NEGR1: variants seen among roughly 807,000 people sequenced by gnomAD.
The protein encoded by NEGR1 is IgLON family member 4.
NEGR1 carries 10 observed loss-of-function variants against 40.9 expected under a neutral mutation model. That is an observed-to-expected ratio of 0.24 (90% CI 0.15 to 0.42). The LOEUF is 0.42. Ranked by LOEUF, NEGR1 falls within the 10% of genes least tolerant of loss-of-function variation. The pLI, the probability that NEGR1 is intolerant of heterozygous loss-of-function variation, is 1.00. For missense variants in NEGR1, 352 were observed against 438.9 expected (o/e 0.80, Z 1.77); for synonymous variants, 185 against 166.8 (o/e 1.11, Z -0.84).
intron 6 of NEGR1, among the ~76,000 whole-genome samples, chr1:71,584,711 C>T (rs975342668): frequency 5.3e-5 from 8 of 152,070 alleles, no homozygotes; most frequent in Non-Finnish European, 1.0e-4. Flanking sequence ...CTCAGAAGTG[C>T]TGGGAAAGAA....
At chr1:71,741,930 G>A (rs1655225479) in intron 3 of NEGR1, among the ~76,000 whole-genome samples, 1 of 152,114 alleles carries the variant, frequency 6.6e-6, no homozygotes, top group African/African-American at 2.4e-5. Flanking sequence ...AGTTCTAAGA[G>A]CATGGTGCTA....
intron 1 of NEGR1, among the ~76,000 whole-genome samples, chr1:72,046,313 A>C (rs575128106): frequency 1.3e-5 from 2 of 151,808 alleles, no homozygotes. Flanking sequence ...CATGAAGAAA[A>C]ACAAAGCCAA....
chr1:71,429,706 G>GC (rs1646453986), intron 6 of NEGR1, among the ~76,000 whole-genome samples: 1 of 152,138 alleles, frequency 6.6e-6, no homozygotes, highest in Non-Finnish European at 1.5e-5. Flanking sequence ...GGTTAAGAAG[G>GC]CCCTTCCACT....
At chr1:71,691,010 C>T (rs959856957) in intron 4 of NEGR1, among the ~76,000 whole-genome samples, 10 of 151,936 alleles carry the variant, frequency 6.6e-5, no homozygotes, top group East Asian at 1.9e-4. Flanking sequence ...GTTGATGTTC[C>T]GTAAACAAAA....
intron 1 of NEGR1, among the ~76,000 whole-genome samples, chr1:72,042,466 C>T (rs1646964883): frequency 6.6e-6 from 1 of 151,958 alleles, no homozygotes; most frequent in Admixed American, 6.6e-5. Flanking sequence ...AATTGTACAA[C>T]AAAAACAATC....
At chr1:71,965,515 C>G (rs1467853355) in intron 1 of NEGR1, among the ~76,000 whole-genome samples, 1 of 152,118 alleles carries the variant, frequency 6.6e-6, no homozygotes, top group Non-Finnish European at 1.5e-5. Context: ...CTAAATCTTC[C>G]TAGACCTAGG....
intron 1 of NEGR1, among the ~76,000 whole-genome samples, chr1:72,219,909 A>G (rs1216674064): frequency 1.3e-5 from 2 of 152,078 alleles, no homozygotes; most frequent in African/African-American, 4.8e-5. Flanking sequence ...AATAATATTA[A>G]TGGTTGTTAC....
At chr1:71,661,919 T>C (rs1021946704) in intron 4 of NEGR1, among the ~76,000 whole-genome samples, 5 of 152,190 alleles carry the variant, frequency 3.3e-5, no homozygotes, top group African/African-American at 1.2e-4. Flanking sequence ...ACTGTGTGAC[T>C]GGAAAATGAT....
chr1:71,625,520 G>C (rs1240993438), intron 4 of NEGR1, among the ~76,000 whole-genome samples: 1 of 151,694 alleles, frequency 6.6e-6, no homozygotes, highest in East Asian at 1.9e-4. Flanking sequence ...ATGTGCATAG[G>C]TTCTATGCAA....
chr1:72,036,528 C>T (rs1360268326), intron 1 of NEGR1, among the ~76,000 whole-genome samples: 11 of 151,630 alleles, frequency 7.3e-5, no homozygotes, highest in East Asian at 3.9e-4. Context: ...TGGTGGTGCG[C>T]GCCTGTAATC....
intron 1 of NEGR1, among the ~76,000 whole-genome samples, chr1:72,119,591 T>C (rs1355093931): frequency 6.6e-6 from 1 of 151,902 alleles, no homozygotes; most frequent in African/African-American, 2.4e-5. Context: ...AGTATTCATA[T>C]TGTCGTGTAT....
At chr1:71,601,144 C>A (rs1172732713) in intron 5 of NEGR1, among the ~76,000 whole-genome samples, 1 of 152,108 alleles carries the variant, frequency 6.6e-6, no homozygotes, top group African/African-American at 2.4e-5. Context: ...TTTAACTTTC[C>A]CATCCATTTC....
chr1:72,139,600 G>C (rs140073721), intron 1 of NEGR1, among the ~76,000 whole-genome samples: 91 of 152,092 alleles, frequency 6.0e-4, no homozygotes, highest in African/African-American at 2.1e-3. Flanking sequence ...CAGACAACCT[G>C]AATATCCCTA....
intron 1 of NEGR1, among the ~76,000 whole-genome samples, chr1:71,948,670 T>A (rs1646042601): frequency 6.6e-6 from 1 of 152,142 alleles, no homozygotes; most frequent in Non-Finnish European, 1.5e-5. Flanking sequence ...AGTGCCAGAA[T>A]CTCCCCACAT....
chr1:72,168,264 A>T (rs1416405201), intron 1 of NEGR1, among the ~76,000 whole-genome samples: 1 of 152,060 alleles, frequency 6.6e-6, no homozygotes, highest in Non-Finnish European at 1.5e-5. Context: ...TCAGCCTCCC[A>T]AAGTGCTGGG....
chr1:71,827,624 A>G (rs1658680840), intron 2 of NEGR1, among the ~76,000 whole-genome samples: 1 of 151,976 alleles, frequency 6.6e-6, no homozygotes, highest in Non-Finnish European at 1.5e-5. Context: ...AGAAATTACA[A>G]ACAAACAAAA....
rs182447462 is a variant in NEGR1 at position 71,587,297 on chromosome 1, C to T, written c.940+5520G>A. 1.2e-3 allele frequency among the ~76,000 whole-genome samples: 180 copies of T among 152,194 alleles called. 1 individual carries two copies. Among genetic ancestry groups the T allele is most frequent in the African/African-American group, 4.0e-3 (168 of 41,546 alleles). ...GTTGAAAGGTACTGTTCGCTTGCAT[C>T]GGTTGAATCTAACCAGGGAAAAACA... On this transcript the variant is annotated intron_variant, in intron 6 of 6. Coordinates refer to ENST00000357731, the MANE Select transcript of NEGR1 (RefSeq NM_173808.3).
At chr1:71,732,257 G>A (rs1194505163) in intron 3 of NEGR1, among the ~76,000 whole-genome samples, 3 of 152,072 alleles carry the variant, frequency 2.0e-5, no homozygotes, top group Non-Finnish European at 2.9e-5. Flanking sequence ...GCAGTGAGCC[G>A]ACATTGCAAG....
intron 1 of NEGR1, among the ~76,000 whole-genome samples, chr1:72,109,957 C>T (rs1412813548): frequency 6.6e-6 from 1 of 151,566 alleles, no homozygotes; most frequent in Non-Finnish European, 1.5e-5. Flanking sequence ...AAAGAAAGCA[C>T]AGCTGTTCCT....
Sources: gnomAD v4.1 joint callset for allele counts (sites outside exome capture counted in the v4.1 genomes callset) on GRCh38, gnomAD v4.1.1 for gene constraint, MANE v1.5 for transcripts, NCBI Gene and HGNC (gene_info 2026-07-23, HGNC 2026-07-21) for gene names.